The following DPF3 variants were observed in gnomAD, a reference collection of about 807,000 sequenced individuals.
DPF3 encodes the protein double PHD fingers 3, also known as zinc finger protein DPF3.
A neutral mutation model predicts 56.8 loss-of-function variants in DPF3; 18 were observed. The ratio of observed to expected loss-of-function variants is 0.32; its 90% confidence interval spans 0.22 to 0.47. The LOEUF (loss-of-function observed/expected upper bound fraction) is 0.47, where lower values mean the gene tolerates loss of function less well. DPF3 is among the 20% of genes least tolerant of loss of function. The probability of loss-of-function intolerance (pLI) is 1.00; values close to 1 mark genes in which losing one functional copy is unlikely to be tolerated. For synonymous variants in DPF3, 188 were observed against 180.2 expected (o/e 1.04, Z -0.35); for missense variants, 403 against 488.8 (o/e 0.82, Z 1.65).
intron 6 of DPF3, among the ~76,000 whole-genome samples, chr14:72,708,086 A>G (rs1888489395): frequency 6.6e-6 from 1 of 152,166 alleles, no homozygotes; most frequent in African/African-American, 2.4e-5. Flanking sequence ...CAAGGTTGTG[A>G]CTGAATAGAA....
At chr14:72,662,566 A>T in intron 8 of DPF3, 1 of 985,230 alleles carries the variant, frequency 1.0e-6, no homozygotes, top group Non-Finnish European at 1.2e-6. Context: ...AATATAATGA[A>T]GATTTAAAAA....
chr14:72,616,910 C>T lies in DPF3; in HGVS notation c.*2387G>A, dbSNP rs1447139227. ...CCAGCCCACAAGCTGGCTTGCTATC[C>T]CCGCTTTCCAGATGGGGAAACTGAG... is the stretch of plus-strand genomic sequence containing the variant. On this transcript the variant is annotated 3_prime_UTR_variant, in exon 11 of 11. Transcript: ENST00000556509. Among the ~76,000 whole-genome samples the T allele has an allele frequency of 6.6e-6, 1 of 152,170 alleles. No individual in the cohort carries two copies. Among genetic ancestry groups the T allele is most frequent in the African/African-American group, 2.4e-5 (1 of 41,454 alleles).
intron 3 of DPF3, among the ~76,000 whole-genome samples, chr14:72,745,110 A>T (rs10140037): frequency 0.32 from 45,785 of 143,756 alleles, 8,048 homozygotes; most frequent in Middle Eastern, 0.4. Context: ...GAGGGGCACC[A>T]TGGGTGGGTG....
chr14:72,744,399 A>G lies in DPF3; in HGVS notation c.301+8865T>C, dbSNP rs61655847. ...TTGATCCTCCTACCTCAGCCTCCCTAGTAGTGTCACCCTACAGGTGCCCAC... is the reference window on the plus strand; with the variant it reads ...TTGATCCTCCTACCTCAGCCTCCCTGGTAGTGTCACCCTACAGGTGCCCAC... On this transcript the variant is annotated intron_variant, in intron 3 of 10. Transcript: ENST00000556509. Among the ~76,000 whole-genome samples the G allele has an allele frequency of 5.3e-5, 8 of 152,088 alleles. No individual in the cohort carries two copies. The East Asian group carries it at 9.7e-4, about 18-fold the overall frequency.
intron 1 of DPF3, among the ~76,000 whole-genome samples, chr14:72,847,376 G>A (rs920992043): frequency 3.3e-5 from 5 of 152,110 alleles, no homozygotes; most frequent in Non-Finnish European, 5.9e-5. Context: ...CTCTACTTAC[G>A]GATTCCACCA....
At chr14:72,698,868 G>C (rs1255997105) in intron 6 of DPF3, among the ~76,000 whole-genome samples, 1 of 128 alleles carries the variant, frequency 7.8e-3, no homozygotes, top group East Asian at 0.17. Context: ...GGCAGGTCCT[G>C]TGTATCCGCA....
chr14:72,751,201 T>C (rs1036207761), intron 3 of DPF3, among the ~76,000 whole-genome samples: 1 of 151,912 alleles, frequency 6.6e-6, no homozygotes, highest in African/African-American at 2.4e-5. Context: ...TAAACAAAAA[T>C]TAAAAAATAA....
chr14:72,632,709 G>A (rs544498434), intron 8 of DPF3, among the ~76,000 whole-genome samples: 1 of 108,050 alleles, frequency 9.3e-6, no homozygotes, highest in African/African-American at 3.0e-5. Context: ...GGACAGAAGG[G>A]AAGGAAGGGA....
At position 72,693,076 on chromosome 14, in the gene DPF3, G is replaced by A. The variant is rs775368888; in HGVS notation, c.742C>T (p.Pro248Ser). ...PPNHRNENHR[P>S]QKGPDGTVIP... ...CCCAACCTAACAAGTAGGCACTCAC[G>A]CCTGTGGTTCTCATTTCTGTGGTTG... Residue 248 changes from proline to serine, a missense_variant and splice_region_variant, in exon 7 of 11, where the codon CCC (proline) becomes TCC (serine). By Grantham distance (74) the Pro-to-Ser change is moderately conservative. This residue lies in a region of DPF3 where 340 missense variants were observed against 374.3 expected (regional missense o/e 0.91). Coordinates refer to ENST00000556509, the MANE Select transcript of DPF3 (RefSeq NM_001280542.3). 3.1e-6 allele frequency: 5 copies of A among 1,613,970 alleles called. No individual in the cohort carries two copies. The highest frequency in any genetic ancestry group is 1.3e-5 in the African/African-American group (1 of 75,030).
chr14:72,796,609 A>T (rs763508677), intron 1 of DPF3, among the ~76,000 whole-genome samples: 1 of 152,238 alleles, frequency 6.6e-6, no homozygotes, highest in Non-Finnish European at 1.5e-5. Context: ...TTTCTAGAGC[A>T]TGTACTATGT....
At chr14:72,821,140 A>AG (rs922019147) in intron 1 of DPF3, among the ~76,000 whole-genome samples, 5 of 151,848 alleles carry the variant, frequency 3.3e-5, no homozygotes, top group Admixed American at 6.6e-5. Context: ...TCTCAAAAAA[A>AG]AAAAAAAAAA....
intron 1 of DPF3, among the ~76,000 whole-genome samples, chr14:72,836,842 A>C (rs542244377): frequency 6.6e-6 from 1 of 152,120 alleles, no homozygotes; most frequent in African/African-American, 2.4e-5. Context: ...GAAAGATCCA[A>C]TCACCTTTAC....
rs1035378190 is a variant in DPF3 at position 72,731,879 on chromosome 14, T to G, written c.357A>C (p.Glu119Asp). The G allele has an allele frequency of 1.2e-6, 2 of 1,609,864 alleles. No individual in the cohort carries two copies. Among genetic ancestry groups the G allele is most frequent in the Non-Finnish European group, 1.7e-6 (2 of 1,178,140 alleles). Residue 119 changes from glutamate to aspartate, a missense_variant, in exon 4 of 11, where the codon GAA becomes GAC. Coordinates refer to ENST00000556509, the MANE Select transcript of DPF3 (RefSeq NM_001280542.3). Reference protein sequence around the residue: ...DGFTSESTTLEALLRGEGVEK... With the variant: ...DGFTSESTTLDALLRGEGVEK... Reference sequence around the variant, plus strand: ...CAACCCCCTCGCCACGGAGCAAGGCTTCCAGCGTGGTGCTCTCTGAGGTGA... The same window carrying G: ...CAACCCCCTCGCCACGGAGCAAGGCGTCCAGCGTGGTGCTCTCTGAGGTGA...
intron 3 of DPF3, among the ~76,000 whole-genome samples, chr14:72,734,643 T>G (rs951166249): frequency 1.3e-5 from 2 of 152,202 alleles, no homozygotes; most frequent in African/African-American, 2.4e-5. Context: ...GTACAGCATT[T>G]TAGAGCTAGA....
intron 8 of DPF3, among the ~76,000 whole-genome samples, chr14:72,646,842 GA>G (rs1225060069): frequency 6.6e-6 from 1 of 152,236 alleles, no homozygotes; most frequent in Non-Finnish European, 1.5e-5. Context: ...ATTACCGGGA[GA>G]GATGTTTTAA....
intron 3 of DPF3, among the ~76,000 whole-genome samples, chr14:72,751,624 T>G (rs1316463813): frequency 6.6e-6 from 1 of 152,170 alleles, no homozygotes; most frequent in East Asian, 1.9e-4. Flanking sequence ...TGGGGATGTG[T>G]AAAATACACA....
intron 3 of DPF3, among the ~76,000 whole-genome samples, chr14:72,735,328 C>T (rs1439010083): frequency 6.6e-6 from 1 of 152,174 alleles, no homozygotes; most frequent in Non-Finnish European, 1.5e-5. Context: ...AGTATCTACC[C>T]ACTATAGAAT....
intron 8 of DPF3, among the ~76,000 whole-genome samples, chr14:72,643,485 C>A (rs1225521503): frequency 2.6e-5 from 4 of 152,232 alleles, no homozygotes; most frequent in Admixed American, 6.5e-5. Flanking sequence ...GCCAGTCCAG[C>A]CCACACAAAG....
At chr14:72,844,953 C>T (rs1237829451) in intron 1 of DPF3, among the ~76,000 whole-genome samples, 3 of 152,168 alleles carry the variant, frequency 2.0e-5, no homozygotes, top group African/African-American at 7.2e-5. Context: ...GTCCCTGACT[C>T]TACAACAAAT....
Sources: allele counts gnomAD v4.1 joint callset (sites outside exome capture counted in the v4.1 genomes callset), GRCh38; gene constraint gnomAD v4.1.1; regional missense constraint gnomAD v4.1.1; transcripts MANE v1.5; gene names NCBI Gene and HGNC (gene_info 2026-07-23, HGNC 2026-07-21).